SLC9A7: variants seen among roughly 807,000 people sequenced by gnomAD.
The protein encoded by SLC9A7 is solute carrier family 9 member A7, also known as sodium/hydrogen exchanger 7.
Under a neutral mutation model 52.6 loss-of-function variants are expected in SLC9A7, and 19 were observed. The ratio of observed to expected loss-of-function variants is 0.36; its 90% confidence interval spans 0.25 to 0.53. SLC9A7 has a LOEUF of 0.53. Ranked by LOEUF, SLC9A7 falls within the 20% of genes least tolerant of loss-of-function variation. The pLI, the probability that SLC9A7 is intolerant of heterozygous loss-of-function variation, is 0.91. For synonymous variants in SLC9A7, 226 were observed against 252.1 expected, an observed-to-expected ratio of 0.90 and a Z score of 0.98; for missense variants, 455 against 597.9, an observed-to-expected ratio of 0.76 and a Z score of 2.49.
intron 3 of SLC9A7, among the ~76,000 whole-genome samples, chrX:46,677,798 C>A (rs1944142791): frequency 8.9e-6 from 1 of 111,806 alleles, no homozygotes; most frequent in Non-Finnish European, 1.9e-5. Context: ...GGTATTATTT[C>A]TTCCATAAAT....
intron 1 of SLC9A7, among the ~76,000 whole-genome samples, chrX:46,722,596 G>T (rs760745195): frequency 6.1e-4 from 69 of 112,525 alleles, no homozygotes; most frequent in African/African-American, 2.2e-3. Flanking sequence ...TACACATAAA[G>T]AATTGGACTA....
rs867085397 is a variant in SLC9A7 at position 46,671,324 on chromosome X, A to G, written c.680+1227T>C. ...CGCCCAGGCTGGAGTGCAATGGCGC[A>G]ATCTCGGCTCACTGCAAGCTCCGCC... On this transcript the variant is annotated intron_variant, in intron 4 of 16. Transcript: ENST00000616978. 3.4e-4 allele frequency among the ~76,000 whole-genome samples: 38 copies of G among 110,278 alleles called. 1 individual carries two copies. Among genetic ancestry groups the G allele is most frequent in the Middle Eastern group, 4.7e-3 (1 of 213 alleles).
At chrX:46,746,079 C>A (rs1015111456) in intron 1 of SLC9A7, among the ~76,000 whole-genome samples, 3 of 110,514 alleles carry the variant, frequency 2.7e-5, no homozygotes, top group Non-Finnish European at 5.7e-5. Flanking sequence ...AATCCCAGCA[C>A]TTTGGGAGGC....
At chrX:46,722,599 T>C (rs771068894) in intron 1 of SLC9A7, among the ~76,000 whole-genome samples, 13 of 112,681 alleles carry the variant, frequency 1.2e-4, no homozygotes, top group Non-Finnish European at 2.3e-4. Context: ...ACATAAAGAA[T>C]TGGACTATTA....
At chrX:46,708,484 C>T (rs771317522) in intron 1 of SLC9A7, among the ~76,000 whole-genome samples, 3 of 109,630 alleles carry the variant, frequency 2.7e-5, no homozygotes, top group South Asian at 4.0e-4. Context: ...GAGACGAGAT[C>T]GCACCACTGC....
chrX:46,672,386 A>T (rs1349662074), intron 4 of SLC9A7, among the ~76,000 whole-genome samples, 165 bp downstream of exon 4: 2 of 112,001 alleles, frequency 1.8e-5, no homozygotes, highest in Non-Finnish European at 3.8e-5. Flanking sequence ...ATTGATCTTA[A>T]TTTAAATAGC....
intron 1 of SLC9A7, among the ~76,000 whole-genome samples, chrX:46,742,916 G>A (rs1921462994): frequency 1.8e-5 from 2 of 110,199 alleles, no homozygotes; most frequent in South Asian, 4.0e-4. Flanking sequence ...GCCGGGCGTG[G>A]TGGCATGCAC....
intron 2 of SLC9A7, among the ~76,000 whole-genome samples, chrX:46,680,881 G>A (rs768039422): frequency 4.5e-5 from 5 of 112,068 alleles, no homozygotes; most frequent in African/African-American, 1.6e-4. Context: ...CTCTCTTCTT[G>A]TTAAAGATAA....
At chrX:46,620,330 G>A (rs1943024553) in intron 15 of SLC9A7, among the ~76,000 whole-genome samples, 1 of 111,371 alleles carries the variant, frequency 9.0e-6, no homozygotes, top group Non-Finnish European at 1.9e-5. Flanking sequence ...GCTGAGGTGG[G>A]AGATTGCTTG....
chrX:46,667,204 T>C (rs1943935996), intron 5 of SLC9A7, among the ~76,000 whole-genome samples: 1 of 111,195 alleles, frequency 9.0e-6, no homozygotes, highest in Admixed American at 9.6e-5. Flanking sequence ...AGGAAACTGA[T>C]GTGAGGGGAC....
At chrX:46,667,365 G>A (rs190949878) in intron 5 of SLC9A7, among the ~76,000 whole-genome samples, 18 of 110,951 alleles carry the variant, frequency 1.6e-4, no homozygotes, top group African/African-American at 5.6e-4. Context: ...AATAAAATAT[G>A]AGGGTAAGAG....
chrX:46,677,384 T>C (rs1247312241), intron 3 of SLC9A7, among the ~76,000 whole-genome samples: 1 of 111,934 alleles, frequency 8.9e-6, no homozygotes, highest in Non-Finnish European at 1.9e-5. Context: ...AGCAGCCCCA[T>C]TACTAAAGGC....
chrX:46,720,542 T>C (rs113358847), intron 1 of SLC9A7, among the ~76,000 whole-genome samples: 2,206 of 110,246 alleles, frequency 0.02, 53 homozygotes, highest in African/African-American at 0.069. Flanking sequence ...GCCATGACCC[T>C]GCTTAAAATT....
chrX:46,619,700 G>A (rs779922807), intron 15 of SLC9A7, among the ~76,000 whole-genome samples: 146 of 106,944 alleles, frequency 1.4e-3, no homozygotes, highest in Non-Finnish European at 1.3e-3. Context: ...TAGTAATTGA[G>A]TCATGGCATG....
chrX:46,745,596 C>T (rs1921689799), intron 1 of SLC9A7, among the ~76,000 whole-genome samples: 1 of 111,682 alleles, frequency 9.0e-6, no homozygotes, highest in African/African-American at 3.3e-5. Context: ...AATCCCAACA[C>T]TTTGGTAGGC....
intron 7 of SLC9A7, among the ~76,000 whole-genome samples, chrX:46,658,291 C>G (rs1943743308): frequency 1.0e-5 from 1 of 95,947 alleles, no homozygotes; most frequent in African/African-American, 3.9e-5. Flanking sequence ...AAATTGACAC[C>G]CTAACATCAC....
chrX:46,658,908 G>A (rs1286436835), intron 7 of SLC9A7, among the ~76,000 whole-genome samples: 1 of 110,760 alleles, frequency 9.0e-6, no homozygotes. Context: ...AAGCTGGGCA[G>A]AGACACAACC....
intron 7 of SLC9A7, among the ~76,000 whole-genome samples, chrX:46,661,362 T>TA (rs1943818905): frequency 9.1e-6 from 1 of 109,884 alleles, no homozygotes; most frequent in African/African-American, 3.3e-5. Context: ...CCCTAAAACT[T>TA]AAAGTATAAT....
chrX:46,613,352 G>A lies in SLC9A7; in HGVS notation c.1866C>T (p.Thr622=). Residue 622 remains threonine, a synonymous_variant, in exon 16 of 17, where the codon ACC becomes ACT. Transcript: ENST00000616978. ...PILTHSGPPL[T]TTLPAWCGLL... ...AGCCACACCAGGCGGGGAGCGTGGT[G>A]GTTAGTGGGGGACCACTGTGTGTGA... The A allele has an allele frequency of 8.3e-7, 1 of 1,206,957 alleles. No homozygotes were observed. The highest frequency in any genetic ancestry group is 1.1e-6 in the Non-Finnish European group (1 of 892,792).
Sources: allele counts gnomAD v4.1 joint callset (sites outside exome capture counted in the v4.1 genomes callset), GRCh38; gene constraint gnomAD v4.1.1; transcripts MANE v1.5; gene names NCBI Gene and HGNC (gene_info 2026-07-23, HGNC 2026-07-21).